TNN: variants seen among roughly 807,000 people sequenced by gnomAD.
The protein encoded by TNN is tenascin-N.
A neutral mutation model predicts 134.4 loss-of-function variants in TNN; 122 were observed. That is an observed-to-expected ratio of 0.91 (90% CI 0.78 to 1.06). The LOEUF (loss-of-function observed/expected upper bound fraction) is 1.06, where lower values mean the gene tolerates loss of function less well. Among genes scored for constraint, TNN ranks in the 50% least tolerant of loss-of-function variants. The pLI is 0.00. For synonymous variants in TNN, 710 were observed against 670.3 expected (o/e 1.06, Z -0.91); for missense variants, 1,739 against 1,699.4 (o/e 1.02, Z -0.41).
At chr1:175,070,453 G>C (rs1011928481) in intron 1 of TNN, among the ~76,000 whole-genome samples, 2 of 152,176 alleles carry the variant, frequency 1.3e-5, no homozygotes, top group Non-Finnish European at 2.9e-5. Flanking sequence ...TCCAGGAAAA[G>C]GGTTCTAGCA....
At chr1:175,078,378 AAATTACAATTATAATTGTAAAAT>A (rs1337106476) in intron 2 of TNN, among the ~76,000 whole-genome samples, 77 of 152,306 alleles carry the variant, frequency 5.1e-4, no homozygotes, top group East Asian at 4.0e-3. Context: ...TTATTAGTAA[AAATTACAATTATAATTGTAAAAT>A]AATTACAATT....
chr1:175,144,678 T>C, intron 18 of TNN, 128 bp downstream of exon 18: 1 of 1,006,824 alleles, frequency 9.9e-7, no homozygotes, highest in Non-Finnish European at 1.4e-6. Flanking sequence ...GTAGAGCTTC[T>C]CCTCCAGGCT....
intron 1 of TNN, 28 bp from the exon 2 acceptor site, chr1:175,077,356 C>T: frequency 1.3e-6 from 2 of 1,518,418 alleles, no homozygotes; most frequent in East Asian, 2.3e-5. Flanking sequence ...ATCTCCGTGG[C>T]TTTCTTTTGC....
At position 175,094,022 on chromosome 1, in the gene TNN, C is replaced by G; in HGVS notation, c.1357C>G (p.Arg453Gly). Reference protein sequence around the residue: ...IDSPTNVVTDRVTEDTATVSW... With the variant: ...IDSPTNVVTDGVTEDTATVSW... ...CAGTCCAACCAATGTTGTCACTGAT[C>G]GAGTGACTGAAGACACAGCAACTGT... The change falls in exon 7 of 19, where the codon CGA becomes GGA. Residue 453 changes from arginine to glycine, a missense_variant. By Grantham distance (125) the Arg-to-Gly change is moderately radical (BLOSUM62 -2). Coordinates refer to ENST00000239462, the MANE Select transcript of TNN (RefSeq NM_022093.2). 1 of 1,609,032 alleles carries G rather than the reference C, an allele frequency of 6.2e-7. No homozygotes were observed. Among genetic ancestry groups the G allele is most frequent in the Non-Finnish European group, 8.5e-7 (1 of 1,176,000 alleles).
chr1:175,119,274 G>T (rs1012174702), intron 11 of TNN, among the ~76,000 whole-genome samples: 1 of 152,224 alleles, frequency 6.6e-6, no homozygotes, highest in East Asian at 1.9e-4. Flanking sequence ...CCCCTTTTTA[G>T]ACCATATAGG....
intron 17 of TNN, 152 bp downstream of exon 17, chr1:175,137,140 G>T (rs1295569864): frequency 2.4e-6 from 2 of 822,560 alleles, no homozygotes; most frequent in South Asian, 1.9e-5. Context: ...TCTGCAGGGG[G>T]TCAGGAGTGA....
intron 4 of TNN, among the ~76,000 whole-genome samples, chr1:175,083,463 G>A (rs1246677713): frequency 6.6e-6 from 1 of 152,196 alleles, no homozygotes; most frequent in African/African-American, 2.4e-5. Context: ...GGTACAGTTT[G>A]GGCTTGGCCA....
At chr1:175,093,168 C>T (rs934935306) in intron 6 of TNN, among the ~76,000 whole-genome samples, 7 of 152,232 alleles carry the variant, frequency 4.6e-5, no homozygotes, top group Non-Finnish European at 7.3e-5. Context: ...TCCCTGGCCT[C>T]CCCTCCAGCC....
Position 175,103,101 on chromosome 1 carries a change from C to T in TNN, c.2119+4506C>T, listed in dbSNP as rs796807203. 9.0e-5 allele frequency among the ~76,000 whole-genome samples: 13 copies of T among 145,244 alleles called. 1 individual carries two copies. The highest frequency in any genetic ancestry group is 1.2e-4 in the Non-Finnish European group (8 of 65,470). On this transcript the variant is annotated intron_variant, in intron 9 of 18. Coordinates refer to ENST00000239462, the MANE Select transcript of TNN (RefSeq NM_022093.2). ...AAGACCATCTGTAGCTTGATGGCCT[C>T]GATTCTAGAGGAAACAAATTTGACA...
At chr1:175,080,048 C>A in intron 3 of TNN, 115 bp from the exon 4 acceptor site, 1 of 1,413,324 alleles carries the variant, frequency 7.1e-7, no homozygotes, top group Non-Finnish European at 9.6e-7. Flanking sequence ...GGGAATGGCG[C>A]CTTACACAGG....
At chr1:175,101,365 C>A (rs1674719893) in intron 9 of TNN, among the ~76,000 whole-genome samples, 2 of 149,176 alleles carry the variant, frequency 1.3e-5, no homozygotes, top group African/African-American at 2.4e-5. Context: ...AGGAGTGAAG[C>A]TGCAGATCTT....
rs565345060 is a variant in TNN at position 175,108,970 on chromosome 1, G to A, written c.2120-7969G>A. 7.2e-5 allele frequency among the ~76,000 whole-genome samples: 11 copies of A among 152,208 alleles called. No homozygotes were observed. In the South Asian group the frequency reaches 1.9e-3, roughly 26 times the overall value. On this transcript the variant is annotated intron_variant, in intron 9 of 18. Transcript: ENST00000239462. ...CAAAGTGGGAGCCCAGGCAGAGGAG[G>A]TGCCAAGAGCAAGTGAGGGCTCTGA...
chr1:175,079,894 G>GTGATGC (rs1553312740), intron 3 of TNN, among the ~76,000 whole-genome samples, 187 bp downstream of exon 3: 1 of 152,172 alleles, frequency 6.6e-6, no homozygotes, highest in Non-Finnish European at 1.5e-5. Flanking sequence ...AAGTTCCCAG[G>GTGATGC]TGATGCTGAT....
intron 17 of TNN, 78 bp downstream of exon 17, chr1:175,137,066 T>C (rs935112025): frequency 4.9e-6 from 7 of 1,442,802 alleles, no homozygotes; most frequent in Non-Finnish European, 6.7e-6. Flanking sequence ...GTGCCACTGA[T>C]CTGGGGGATG....
intron 7 of TNN, among the ~76,000 whole-genome samples, chr1:175,095,867 G>A (rs972227086): frequency 1.3e-5 from 2 of 152,216 alleles, no homozygotes; most frequent in Non-Finnish European, 2.9e-5. Context: ...GAGCCACCAC[G>A]CCCGGCCCAT....
At chr1:175,087,522 T>C (rs1319793544) in intron 6 of TNN, among the ~76,000 whole-genome samples, 1 of 152,226 alleles carries the variant, frequency 6.6e-6, no homozygotes. Flanking sequence ...TTTATTTTCA[T>C]TTCAAACTAC....
chr1:175,089,632 C>T (rs1674396401), intron 6 of TNN, among the ~76,000 whole-genome samples: 1 of 152,092 alleles, frequency 6.6e-6, no homozygotes, highest in African/African-American at 2.4e-5. Context: ...GTTTAAAGTC[C>T]TTTCTCTTTT....
intron 13 of TNN, 75 bp downstream of exon 13, chr1:175,127,160 A>G: frequency 6.5e-7 from 1 of 1,548,360 alleles, no homozygotes. Flanking sequence ...CAATCAGCTC[A>G]TTTGCTGGCC....
At chr1:175,080,006 A>G (rs1215984916) in intron 3 of TNN, among the ~76,000 whole-genome samples, 157 bp from the exon 4 acceptor site, 1 of 151,836 alleles carries the variant, frequency 6.6e-6, no homozygotes, top group Non-Finnish European at 1.5e-5. Context: ...AGTATTAATT[A>G]CCTGTCGTTC....
Sources: gnomAD v4.1 joint callset for allele counts (sites outside exome capture counted in the v4.1 genomes callset) on GRCh38, gnomAD v4.1.1 for gene constraint, MANE v1.5 for transcripts, NCBI Gene and HGNC (gene_info 2026-07-23, HGNC 2026-07-21) for gene names.